Variants in HECW2 observed in about 807,000 individuals in gnomAD.
HECW2 encodes the protein E3 ubiquitin-protein ligase HECW2.
Under a neutral mutation model 175.2 loss-of-function variants are expected in HECW2, and 61 were observed. The observed-to-expected ratio is 0.35, with a 90% CI of 0.28 to 0.43. The LOEUF (loss-of-function observed/expected upper bound fraction) is 0.43. Ranked by LOEUF, HECW2 falls within the 20% of genes least tolerant of loss-of-function variation. The pLI, the probability that HECW2 is intolerant of heterozygous loss-of-function variation, is 1.00. For missense variants in HECW2, 1,524 were observed against 2,000.5 expected, an observed-to-expected ratio of 0.76 and a Z score of 4.54; for synonymous variants, 671 against 731.0, an observed-to-expected ratio of 0.92 and a Z score of 1.32.
intron 17 of HECW2, chr2:196,264,254 G>A (rs921932167): frequency 1.3e-5 from 2 of 152,112 alleles, no homozygotes; most frequent in South Asian, 2.1e-4. Flanking sequence ...TTTTGGGGTT[G>A]GGGAAGGCAC....
chr2:196,488,988 T>C (rs1470547306), intron 1 of HECW2, among the ~76,000 whole-genome samples: 1 of 152,164 alleles, frequency 6.6e-6, no homozygotes, highest in African/African-American at 2.4e-5. Flanking sequence ...TACCTACACA[T>C]ACTATGCTAT....
intron 2 of HECW2, among the ~76,000 whole-genome samples, chr2:196,384,335 C>T (rs754146617): frequency 6.6e-6 from 1 of 152,098 alleles, no homozygotes; most frequent in Non-Finnish European, 1.5e-5. Context: ...AATTCCAACA[C>T]TTTGGGAGGC....
chr2:196,554,181 C>A (rs1201194624), intron 1 of HECW2, among the ~76,000 whole-genome samples: 2 of 152,112 alleles, frequency 1.3e-5, no homozygotes, highest in African/African-American at 4.8e-5. Flanking sequence ...AAAAAATTAG[C>A]CGGGCGCAGT....
At chr2:196,422,388 T>A (rs962877994) in intron 2 of HECW2, among the ~76,000 whole-genome samples, 3 of 152,170 alleles carry the variant, frequency 2.0e-5, no homozygotes, top group Non-Finnish European at 4.4e-5. Flanking sequence ...CTTTGGTGTC[T>A]AAGTATTTAA....
intron 1 of HECW2, among the ~76,000 whole-genome samples, chr2:196,572,446 G>A (rs1690420535): frequency 6.6e-6 from 1 of 152,108 alleles, no homozygotes; most frequent in Non-Finnish European, 1.5e-5. Flanking sequence ...GCCTCCCAAA[G>A]TGCTAGGATT....
intron 1 of HECW2, among the ~76,000 whole-genome samples, chr2:196,472,874 G>C (rs1697270191): frequency 6.6e-6 from 1 of 152,208 alleles, no homozygotes; most frequent in African/African-American, 2.4e-5. Flanking sequence ...ACCCGCCTTG[G>C]CCTCCCAAAG....
chr2:196,295,977 C>T (rs1370427440), intron 13 of HECW2, among the ~76,000 whole-genome samples: 1 of 152,158 alleles, frequency 6.6e-6, no homozygotes, highest in African/African-American at 2.4e-5. Flanking sequence ...TTTAGATCCA[C>T]AGCCTTTTCA....
intron 17 of HECW2, chr2:196,260,158 G>T (rs979878062): frequency 6.6e-6 from 1 of 152,166 alleles, no homozygotes; most frequent in Non-Finnish European, 1.5e-5. Flanking sequence ...AGGCACCAGA[G>T]GAGGTATGCC....
At chr2:196,207,898 A>G (rs2105777772) in intron 28 of HECW2, among the ~76,000 whole-genome samples, 1 of 152,392 alleles carries the variant, frequency 6.6e-6, no homozygotes, top group East Asian at 1.9e-4. Flanking sequence ...AACTAGCAGA[A>G]GAAACTCTTC....
At position 196,414,987 on chromosome 2, in the gene HECW2, C is replaced by T. The variant is rs1350160787; in HGVS notation, c.292+18145G>A. ...CTGACTTAAGGTAGAGGGAAGTACC[C>T]CTGCTGAGGCCCTGAAGTGAAAGGT... is the stretch of plus-strand genomic sequence containing the variant. On this transcript the variant is annotated intron_variant, in intron 2 of 28. Transcript: ENST00000644978. Among the ~76,000 whole-genome samples, 7 of 152,084 alleles carry T rather than the reference C, an allele frequency of 4.6e-5. No individual in the cohort carries two copies. The East Asian group carries it at 1.2e-3, about 25-fold the overall frequency.
At chr2:196,247,165 C>T (rs1688677844) in intron 19 of HECW2, among the ~76,000 whole-genome samples, 1 of 152,080 alleles carries the variant, frequency 6.6e-6, no homozygotes, top group Non-Finnish European at 1.5e-5. Context: ...GCAGGAGAAT[C>T]ACTTGAACCC....
intron 23 of HECW2, among the ~76,000 whole-genome samples, chr2:196,223,576 A>G (rs1017058003): frequency 1.3e-5 from 2 of 152,230 alleles, no homozygotes; most frequent in East Asian, 1.9e-4. Context: ...GAATTTCTAG[A>G]GAATGAGGCC....
intron 2 of HECW2, among the ~76,000 whole-genome samples, chr2:196,370,557 A>G (rs559394956): frequency 2.6e-5 from 4 of 152,216 alleles, no homozygotes; most frequent in African/African-American, 7.2e-5. Flanking sequence ...CAAGCCCCCA[A>G]AGTCTACTGG....
At chr2:196,391,011 T>A (rs1694493750) in intron 2 of HECW2, among the ~76,000 whole-genome samples, 1 of 152,158 alleles carries the variant, frequency 6.6e-6, no homozygotes, top group Non-Finnish European at 1.5e-5. Context: ...CTCTCTGCCC[T>A]GGGAAACCGA....
At chr2:196,569,591 A>G (rs1049418863) in intron 1 of HECW2, among the ~76,000 whole-genome samples, 2 of 152,154 alleles carry the variant, frequency 1.3e-5, no homozygotes, top group African/African-American at 2.4e-5. Context: ...AAGGTACTAG[A>G]TCCTAACATC....
chr2:196,563,783 G>A (rs1285639791), intron 1 of HECW2, among the ~76,000 whole-genome samples: 1 of 152,112 alleles, frequency 6.6e-6, no homozygotes. Context: ...AAGGGGGAGT[G>A]GAAGGATGTG....
At chr2:196,222,158 A>C in intron 24 of HECW2, 53 bp downstream of exon 24, 1 of 1,559,900 alleles carries the variant, frequency 6.4e-7, no homozygotes, top group East Asian at 2.3e-5. Context: ...TTCTTCACTC[A>C]TCAATAGCCT....
At chr2:196,528,615 A>G (rs1688746985) in intron 1 of HECW2, among the ~76,000 whole-genome samples, 1 of 152,218 alleles carries the variant, frequency 6.6e-6, no homozygotes, top group Non-Finnish European at 1.5e-5. Flanking sequence ...AAAACAAAAG[A>G]AAAAAGGAAG....
At chr2:196,299,827 G>T in intron 13 of HECW2, among the ~76,000 whole-genome samples, 1 of 152,124 alleles carries the variant, frequency 6.6e-6, no homozygotes, top group Non-Finnish European at 1.5e-5. Flanking sequence ...TACCCGGGAG[G>T]CTGAGGCAGG....
Sources: gnomAD v4.1 joint callset for allele counts (sites outside exome capture counted in the v4.1 genomes callset) on GRCh38, gnomAD v4.1.1 for gene constraint, MANE v1.5 for transcripts, NCBI Gene and HGNC (gene_info 2026-07-23, HGNC 2026-07-21) for gene names.